The following BBX variants were observed in gnomAD, a reference collection of about 807,000 sequenced individuals.
BBX encodes BBX high mobility group box domain containing.
BBX carries 30 observed loss-of-function variants against 100.2 expected under a neutral mutation model. The observed-to-expected ratio is 0.30, with a 90% CI of 0.22 to 0.41. The LOEUF (loss-of-function observed/expected upper bound fraction) is 0.41, where lower values mean the gene tolerates loss of function less well. BBX is among the 10% of genes least tolerant of loss of function. The pLI is 1.00. For synonymous variants in BBX, 376 were observed against 388.1 expected, an observed-to-expected ratio of 0.97 and a Z score of 0.37; for missense variants, 1,023 against 1,129.8, an observed-to-expected ratio of 0.91 and a Z score of 1.35.
intron 3 of BBX, among the ~76,000 whole-genome samples, chr3:107,669,595 A>T (rs973848633): frequency 2.6e-5 from 4 of 152,178 alleles, no homozygotes; most frequent in South Asian, 2.1e-4. Flanking sequence ...AGTAAATCTG[A>T]TACAGATTAG....
chr3:107,585,863 A>C (rs905839659), intron 2 of BBX, among the ~76,000 whole-genome samples: 1 of 152,192 alleles, frequency 6.6e-6, no homozygotes, highest in Non-Finnish European at 1.5e-5. Context: ...CTATTTGGTT[A>C]TATTTATTTC....
intron 2 of BBX, among the ~76,000 whole-genome samples, chr3:107,546,904 A>G (rs1045206979): frequency 1.3e-5 from 2 of 152,176 alleles, no homozygotes; most frequent in Non-Finnish European, 2.9e-5. Flanking sequence ...TTCTTACTCA[A>G]CCAGTTTCTG....
intron 3 of BBX, among the ~76,000 whole-genome samples, chr3:107,665,405 C>T (rs754513995): frequency 2.0e-4 from 31 of 152,004 alleles, no homozygotes; most frequent in Admixed American, 8.5e-4. Flanking sequence ...TTCCTTTTGA[C>T]GCCACAATTT....
chr3:107,582,422 G>T (rs1444741179), intron 2 of BBX, among the ~76,000 whole-genome samples: 2 of 151,678 alleles, frequency 1.3e-5, no homozygotes, highest in Non-Finnish European at 2.9e-5. Context: ...ATATCTTTAT[G>T]GTTGAAGGAT....
At chr3:107,535,421 T>G (rs1021090999) in intron 2 of BBX, among the ~76,000 whole-genome samples, 1 of 152,096 alleles carries the variant, frequency 6.6e-6, no homozygotes, top group African/African-American at 2.4e-5. Context: ...AGTATATAAT[T>G]GATGTTTAGT....
chr3:107,777,137 G>A (rs1347834419), intron 12 of BBX, among the ~76,000 whole-genome samples: 2 of 152,096 alleles, frequency 1.3e-5, no homozygotes, highest in African/African-American at 4.8e-5. Flanking sequence ...TCCACCCACT[G>A]CATAAATCAT....
chr3:107,767,987 A>G (rs2066531779), intron 10 of BBX, among the ~76,000 whole-genome samples: 1 of 152,180 alleles, frequency 6.6e-6, no homozygotes, highest in Admixed American at 6.5e-5. Flanking sequence ...TGCTCTCCAG[A>G]TAAGTGCCCC....
chr3:107,673,800 TAAAG>T lies in BBX; in HGVS notation c.-10+27894_-10+27897del, dbSNP rs532796334. On this transcript the variant is annotated intron_variant, in intron 3 of 17. Transcript: ENST00000325805. ...ACTACATGTAGAACTATTTTTAAAA[TAAAG>T]AAGCCCACTTGTTAGAAATACATTT... is the stretch of plus-strand genomic sequence containing the variant. Among the ~76,000 whole-genome samples, 381 of 152,242 alleles carry T rather than the reference TAAAG, an allele frequency of 2.5e-3. 2 individuals carry two copies. The highest frequency in any genetic ancestry group is 7.5e-3 in the African/African-American group (311 of 41,570).
At chr3:107,777,941 A>G (rs960241251) in intron 12 of BBX, among the ~76,000 whole-genome samples, 4 of 152,164 alleles carry the variant, frequency 2.6e-5, no homozygotes, top group African/African-American at 9.7e-5. Flanking sequence ...TAAGCTTATT[A>G]ATTTAATAAG....
At chr3:107,736,777 T>C (rs1046445365) in intron 7 of BBX, among the ~76,000 whole-genome samples, 1 of 152,238 alleles carries the variant, frequency 6.6e-6, no homozygotes, top group South Asian at 2.1e-4. Context: ...TCAGAAAGGA[T>C]GACATCCAGT....
intron 6 of BBX, among the ~76,000 whole-genome samples, chr3:107,730,301 T>G (rs1029847259): frequency 6.6e-6 from 1 of 152,168 alleles, no homozygotes; most frequent in Non-Finnish European, 1.5e-5. Flanking sequence ...ATAGTCTTGG[T>G]GAGTTTTCTG....
In BBX at chr3:107,627,915, A is replaced by G. The variant is rs537931797; in HGVS notation, c.-83-17921A>G. On this transcript the variant is annotated intron_variant, in intron 2 of 17. Coordinates refer to ENST00000325805, the MANE Select transcript of BBX (RefSeq NM_001142568.3). ...GAATGCCTGTTTTGATTATGTTTTC[A>G]ATGAGTTTTTTTCTCACTATAGCAA... is the stretch of plus-strand genomic sequence containing the variant. Among the ~76,000 whole-genome samples, 4 of 152,064 alleles carry G rather than the reference A, an allele frequency of 2.6e-5. No homozygotes were observed. The South Asian group carries it at 8.3e-4, about 32-fold the overall frequency.
chr3:107,778,371 C>T lies in BBX; in HGVS notation c.2055C>T (p.Gly685=). ...KTKPKEDCLL[G]SAKLDEEFEK... ...TGATTCCCCTCTCCCCTTTTAATAG[C>T]TCCGCAAAGCTGGATGAAGAATTTG... The change falls in exon 13 of 18, where the codon GGC becomes GGT. Residue 685 remains glycine, a splice_region_variant and synonymous_variant. Coordinates refer to ENST00000325805, the MANE Select transcript of BBX (RefSeq NM_001142568.3). 1 of 1,613,116 alleles carries T rather than the reference C, an allele frequency of 6.2e-7. No homozygotes were observed. The highest frequency in any genetic ancestry group is 8.5e-7 in the Non-Finnish European group (1 of 1,179,362).
chr3:107,568,667 C>A (rs142085812), intron 2 of BBX, among the ~76,000 whole-genome samples: 3 of 152,222 alleles, frequency 2.0e-5, no homozygotes, highest in African/African-American at 7.2e-5. Flanking sequence ...CCTAACTTTT[C>A]TTTTTTTAAC....
At chr3:107,536,081 G>T (rs1251459890) in intron 2 of BBX, among the ~76,000 whole-genome samples, 1 of 152,224 alleles carries the variant, frequency 6.6e-6, no homozygotes, top group Non-Finnish European at 1.5e-5. Context: ...GATCAAACAT[G>T]AATCAGATAT....
At chr3:107,579,987 A>T (rs2052150731) in intron 2 of BBX, among the ~76,000 whole-genome samples, 1 of 152,132 alleles carries the variant, frequency 6.6e-6, no homozygotes, top group African/African-American at 2.4e-5. Flanking sequence ...TTATATATTT[A>T]TGGCGGTGGA....
chr3:107,679,962 T>G (rs2059488495), intron 3 of BBX, among the ~76,000 whole-genome samples: 1 of 152,130 alleles, frequency 6.6e-6, no homozygotes. Flanking sequence ...AAACAGAAAG[T>G]CTATCAGCAA....
At position 107,806,118 on chromosome 3, in the gene BBX, A is replaced by C; in HGVS notation, c.*661A>C. Reference sequence around the variant, plus strand: ...CACCAGAATGGTAGTTTGCTGGCAAAAAAAAAAAAAAAAGAGAGAGAGAAA... The same window carrying C: ...CACCAGAATGGTAGTTTGCTGGCAACAAAAAAAAAAAAAGAGAGAGAGAAA... On this transcript the variant is annotated 3_prime_UTR_variant, in exon 18 of 18. Coordinates refer to ENST00000325805, the MANE Select transcript of BBX (RefSeq NM_001142568.3). The C allele has an allele frequency of 3.2e-4, 1 of 3,120 alleles. No individual in the cohort carries two copies. The highest frequency in any genetic ancestry group is 3.3e-4 in the African/African-American group (1 of 2,992). The allele number at this position is 3,120 out of a possible 1,614,324, so 0.2% of individuals were successfully genotyped here. A position where few individuals can be genotyped will look rare whatever the true frequency, so the allele number is the denominator to read the frequency against.
chr3:107,578,180 A>G (rs2051948253), intron 2 of BBX, among the ~76,000 whole-genome samples: 1 of 152,160 alleles, frequency 6.6e-6, no homozygotes, highest in South Asian at 2.1e-4. Context: ...CTCTGTTGTA[A>G]AGAATCAGCT....
Sources: gnomAD v4.1 joint callset for allele counts (sites outside exome capture counted in the v4.1 genomes callset) on GRCh38, gnomAD v4.1.1 for gene constraint, MANE v1.5 for transcripts, NCBI Gene and HGNC (gene_info 2026-07-23, HGNC 2026-07-21) for gene names.